Variants in FBN2 observed in about 807,000 individuals in gnomAD.
FBN2 encodes fibrillin 2.
Under a neutral mutation model 355.6 loss-of-function variants are expected in FBN2, and 105 were observed. The observed-to-expected ratio is 0.30, with a 90% CI of 0.25 to 0.35. FBN2 has a LOEUF of 0.35. Among genes scored for constraint, FBN2 ranks in the 10% least tolerant of loss-of-function variants. The probability of loss-of-function intolerance (pLI) is 1.00; values close to 1 mark genes in which losing one functional copy is unlikely to be tolerated. For missense variants in FBN2, 3,280 were observed against 3,758.7 expected, an observed-to-expected ratio of 0.87 and a Z score of 3.33; for synonymous variants, 1,350 against 1,301.2, an observed-to-expected ratio of 1.04 and a Z score of -0.81.
rs1341984147 is a variant in FBN2 at position 128,296,368 on chromosome 5, G to T, written c.6166+4449C>A. ...TGGCCTCATAACATGAGTTAGGGAG[G>T]ATTCCCTCTTTTTCTATTGATTGGA... On this transcript the variant is annotated intron_variant, in intron 48 of 64. Transcript: ENST00000262464. Among the ~76,000 whole-genome samples the T allele has an allele frequency of 2.0e-5, 3 of 152,200 alleles. No individual in the cohort carries two copies. In the South Asian group the frequency reaches 6.2e-4, roughly 32 times the overall value.
At chr5:128,312,056 G>C in intron 37 of FBN2, 103 bp from the exon 38 acceptor site, 1 of 766,434 alleles carries the variant, frequency 1.3e-6, no homozygotes, top group Non-Finnish European at 2.3e-6. Context: ...CTCATCCTAA[G>C]GGGTGTATCC....
At chr5:128,508,433 C>T (rs1176215211) in intron 5 of FBN2, among the ~76,000 whole-genome samples, 1 of 151,906 alleles carries the variant, frequency 6.6e-6, no homozygotes, top group African/African-American at 2.4e-5. Context: ...AGTGCTTACT[C>T]TAAGGTTTAC....
In FBN2 at chr5:128,537,769, C is replaced by G. The variant is rs1261089101; in HGVS notation, c.-166G>C. 2.9e-6 allele frequency: 2 copies of G among 695,576 alleles called. No individual in the cohort carries two copies. The highest frequency in any genetic ancestry group is 4.8e-6 in the Non-Finnish European group (2 of 415,746). 43.1% of individuals were successfully genotyped at this position (695,576 alleles called of 1,614,324 possible). A position where few individuals can be genotyped will look rare whatever the true frequency, so the allele number is the denominator to read the frequency against. On this transcript the variant is annotated 5_prime_UTR_variant, in exon 1 of 65. Coordinates refer to ENST00000262464, the MANE Select transcript of FBN2 (RefSeq NM_001999.4). Reference sequence around the variant, plus strand: ...CTAGCTGGAGACCTCGACAGAGCGCCGGCCCCCTGACTGCCCGCGAAGCGA... The same window carrying G: ...CTAGCTGGAGACCTCGACAGAGCGCGGGCCCCCTGACTGCCCGCGAAGCGA...
chr5:128,278,486 A>G, intron 57 of FBN2, 149 bp downstream of exon 57: 1 of 713,286 alleles, frequency 1.4e-6, no homozygotes, highest in Non-Finnish European at 2.4e-6. Flanking sequence ...ATACATATAT[A>G]TGAAAACACA....
chr5:128,493,323 C>T (rs955177613), intron 5 of FBN2, among the ~76,000 whole-genome samples: 2 of 152,080 alleles, frequency 1.3e-5, no homozygotes, highest in African/African-American at 4.8e-5. Context: ...AATCAGTTTA[C>T]TGTGGCTGGA....
chr5:128,295,106 T>C (rs1415297831), intron 48 of FBN2, among the ~76,000 whole-genome samples: 3 of 149,048 alleles, frequency 2.0e-5, no homozygotes, highest in South Asian at 2.2e-4. Flanking sequence ...CTTTCCCCAT[T>C]GCTTGTTTTT....
At chr5:128,352,786 C>CA (rs1345595011) in intron 20 of FBN2, among the ~76,000 whole-genome samples, 3 of 152,166 alleles carry the variant, frequency 2.0e-5, no homozygotes, top group Admixed American at 1.3e-4. Flanking sequence ...ACCTCAACAG[C>CA]ATATTGTGGC....
At chr5:128,428,838 T>C (rs1400657038) in intron 7 of FBN2, among the ~76,000 whole-genome samples, 1 of 152,228 alleles carries the variant, frequency 6.6e-6, no homozygotes, top group Non-Finnish European at 1.5e-5. Context: ...GTCATCTGGG[T>C]GTGGCAGGTC....
At chr5:128,415,649 A>G (rs1372797801) in intron 7 of FBN2, among the ~76,000 whole-genome samples, 1 of 152,152 alleles carries the variant, frequency 6.6e-6, no homozygotes, top group Non-Finnish European at 1.5e-5. Flanking sequence ...CTACAGTGAA[A>G]AGTGCTGCTA....
At chr5:128,474,954 C>T (rs1360038542) in intron 5 of FBN2, among the ~76,000 whole-genome samples, 1 of 152,118 alleles carries the variant, frequency 6.6e-6, no homozygotes, top group African/African-American at 2.4e-5. Context: ...ACACAGGTAG[C>T]ATCTATCAAT....
chr5:128,419,592 C>T (rs564415410), intron 7 of FBN2, among the ~76,000 whole-genome samples: 27 of 151,828 alleles, frequency 1.8e-4, no homozygotes, highest in African/African-American at 4.6e-4. Context: ...GAGGTGATCA[C>T]GGCTTTTGTC....
intron 20 of FBN2, among the ~76,000 whole-genome samples, chr5:128,353,533 C>T (rs1305121970): frequency 6.6e-6 from 1 of 152,128 alleles, no homozygotes; most frequent in Admixed American, 6.5e-5. Flanking sequence ...TTCCATAGCA[C>T]AGAGGAAACA....
chr5:128,486,579 C>T (rs1755342510), intron 5 of FBN2, among the ~76,000 whole-genome samples: 4 of 152,126 alleles, frequency 2.6e-5, no homozygotes, highest in Admixed American at 2.6e-4. Context: ...CTATGCAGGG[C>T]CCCTTACCGA....
chr5:128,347,347 A>G (rs1394573831), intron 23 of FBN2, among the ~76,000 whole-genome samples: 1 of 152,224 alleles, frequency 6.6e-6, no homozygotes, highest in African/African-American at 2.4e-5. Context: ...AAGTCAGCAC[A>G]CTACTGAGAA....
intron 25 of FBN2, among the ~76,000 whole-genome samples, chr5:128,343,024 A>G (rs1751069599): frequency 6.6e-6 from 1 of 152,078 alleles, no homozygotes; most frequent in Non-Finnish European, 1.5e-5. Flanking sequence ...CACCATGCCC[A>G]GCGGGATAAA....
chr5:128,379,851 C>G (rs1212198893), intron 11 of FBN2, among the ~76,000 whole-genome samples: 1 of 152,006 alleles, frequency 6.6e-6, no homozygotes, highest in Non-Finnish European at 1.5e-5. Context: ...TGTGTAGAAG[C>G]CATTAACATA....
intron 8 of FBN2, among the ~76,000 whole-genome samples, chr5:128,407,424 T>C (rs997004199): frequency 2.0e-5 from 3 of 152,158 alleles, no homozygotes; most frequent in Non-Finnish European, 4.4e-5. Context: ...TGGACACTTA[T>C]TAGAAGAAAC....
chr5:128,304,653 C>T (rs1336324725), intron 45 of FBN2, among the ~76,000 whole-genome samples: 2 of 152,132 alleles, frequency 1.3e-5, no homozygotes, highest in African/African-American at 4.8e-5. Context: ...TCCACACAAG[C>T]CCAAGTGGCT....
intron 59 of FBN2, among the ~76,000 whole-genome samples, chr5:128,275,065 C>G (rs1765356238): frequency 1.3e-5 from 2 of 152,072 alleles, no homozygotes; most frequent in South Asian, 4.2e-4. Flanking sequence ...GAAACAGAAT[C>G]TAGAAACTGA....
Sources: allele counts gnomAD v4.1 joint callset (sites outside exome capture counted in the v4.1 genomes callset), GRCh38; gene constraint gnomAD v4.1.1; transcripts MANE v1.5; gene names NCBI Gene and HGNC (gene_info 2026-07-23, HGNC 2026-07-21).